The following DLG2 variants were observed in gnomAD, a reference collection of about 807,000 sequenced individuals.
DLG2 encodes the protein disks large homolog 2.
DLG2 carries 45 observed loss-of-function variants against 132.5 expected under a neutral mutation model. That is an observed-to-expected ratio of 0.34 (90% confidence interval 0.27 to 0.44). The LOEUF (loss-of-function observed/expected upper bound fraction) is 0.44, where lower values mean the gene tolerates loss of function less well. Ranked by LOEUF, DLG2 falls within the 20% of genes least tolerant of loss-of-function variation. The probability of loss-of-function intolerance (pLI) is 1.00; values close to 1 mark genes in which losing one functional copy is unlikely to be tolerated. For missense variants in DLG2, 1,045 were observed against 1,196.9 expected, an observed-to-expected ratio of 0.87 and a Z score of 1.87; for synonymous variants, 424 against 419.6, an observed-to-expected ratio of 1.01 and a Z score of -0.13.
At chr11:84,184,674 G>A (rs1015207398) in intron 8 of DLG2, among the ~76,000 whole-genome samples, 6 of 152,120 alleles carry the variant, frequency 3.9e-5, no homozygotes, top group Non-Finnish European at 5.9e-5. Context: ...GTATTGCCTA[G>A]GTTTTCTTCT....
intron 17 of DLG2, among the ~76,000 whole-genome samples, chr11:83,801,754 A>C (rs187087915): frequency 2.0e-5 from 3 of 152,160 alleles, no homozygotes; most frequent in African/African-American, 4.8e-5. Context: ...TATTCTGTTT[A>C]TTATCTCACC....
intron 6 of DLG2, among the ~76,000 whole-genome samples, chr11:85,037,933 T>G (rs2061552418): frequency 6.6e-6 from 1 of 152,130 alleles, no homozygotes; most frequent in South Asian, 2.1e-4. Context: ...ATAATCTGGT[T>G]AATGAGTCAA....
chr11:85,224,352 G>C lies in DLG2; in HGVS notation c.186+60868C>G, dbSNP rs115948455. Among the ~76,000 whole-genome samples the C allele has an allele frequency of 6.1e-3, 921 of 152,176 alleles. 11 individuals carry two copies. Among genetic ancestry groups the C allele is most frequent in the African/African-American group, 0.021 (890 of 41,520 alleles). ...GCACTTTAGACTTTTTCAGAGACAT[G>C]GAAACATATTTTGTTTAATACAAGT... On this transcript the variant is annotated intron_variant, in intron 4 of 27. Coordinates refer to ENST00000376104, the MANE Select transcript of DLG2 (RefSeq NM_001142699.3).
At chr11:83,489,964 A>G (rs1399076591) in intron 21 of DLG2, among the ~76,000 whole-genome samples, 1 of 148,152 alleles carries the variant, frequency 6.7e-6, no homozygotes, top group African/African-American at 2.5e-5. Context: ...TGAGATATAA[A>G]CTTAGGATTT....
chr11:85,106,046 T>C (rs2071695488), intron 6 of DLG2, among the ~76,000 whole-genome samples: 1 of 151,540 alleles, frequency 6.6e-6, no homozygotes, highest in African/African-American at 2.4e-5. Flanking sequence ...GCACACTGTA[T>C]TAACTGGTTT....
In DLG2 at chr11:85,292,208, G is replaced by A. The variant is rs540006997; in HGVS notation, c.41-6843C>T. Among the ~76,000 whole-genome samples the A allele has an allele frequency of 2.6e-4, 40 of 152,182 alleles. No individual in the cohort carries two copies. In the South Asian group the frequency reaches 7.2e-3, roughly 28 times the overall value. On this transcript the variant is annotated intron_variant, in intron 3 of 27. Transcript: ENST00000376104. ...GTTTTCATTCTCCCAATCCATATGA[G>A]TCCAAAACTACTAGACACTGAAGCA...
At chr11:85,010,949 A>T (rs1442948368) in intron 6 of DLG2, among the ~76,000 whole-genome samples, 1 of 152,184 alleles carries the variant, frequency 6.6e-6, no homozygotes, top group Non-Finnish European at 1.5e-5. Context: ...AGAATTATAA[A>T]AAGATTTTAC....
In DLG2 at chr11:85,566,806, C is replaced by G. The variant is rs145698019; in HGVS notation, c.40+31851G>C. On this transcript the variant is annotated intron_variant, in intron 3 of 27. Transcript: ENST00000376104. ...TTCTAAGAGTTTTACAGTTTTAGCTCTTATATTTAGGTCTCTAATCCCCTT... is the reference window on the plus strand; with the variant it reads ...TTCTAAGAGTTTTACAGTTTTAGCTGTTATATTTAGGTCTCTAATCCCCTT... Among the ~76,000 whole-genome samples, 5 of 152,180 alleles carry G rather than the reference C, an allele frequency of 3.3e-5. No individual in the cohort carries two copies. In the East Asian group the frequency reaches 9.7e-4, roughly 29 times the overall value.
intron 10 of DLG2, among the ~76,000 whole-genome samples, chr11:84,081,900 T>C (rs557758941): frequency 6.6e-6 from 1 of 152,342 alleles, no homozygotes; most frequent in Non-Finnish European, 1.5e-5. Flanking sequence ...CCACATTGTC[T>C]TCCACAATGG....
chr11:84,771,648 A>C (rs1461648324), intron 6 of DLG2, among the ~76,000 whole-genome samples: 1 of 152,238 alleles, frequency 6.6e-6, no homozygotes, highest in Non-Finnish European at 1.5e-5. Context: ...AGGGAGTTTT[A>C]TAAACAGAAA....
intron 6 of DLG2, among the ~76,000 whole-genome samples, chr11:84,881,048 G>C (rs779621378): frequency 6.6e-6 from 1 of 151,992 alleles, no homozygotes; most frequent in Non-Finnish European, 1.5e-5. Context: ...CAAAAAATAA[G>C]ACTGTAGCAT....
chr11:84,208,859 T>C (rs887905295), intron 8 of DLG2, among the ~76,000 whole-genome samples: 31 of 152,058 alleles, frequency 2.0e-4, no homozygotes, highest in African/African-American at 7.5e-4. Context: ...TGGTAGAAAG[T>C]GGGAGTCTAG....
At chr11:84,933,500 A>T (rs1350212618) in intron 6 of DLG2, among the ~76,000 whole-genome samples, 2 of 152,234 alleles carry the variant, frequency 1.3e-5, no homozygotes, top group Non-Finnish European at 2.9e-5. Context: ...ATCCATGAGC[A>T]TAGAATATTT....
intron 3 of DLG2, chr11:85,286,166 C>T (rs1393074568): frequency 2.3e-6 from 1 of 433,368 alleles, no homozygotes; most frequent in Admixed American, 2.8e-5. Flanking sequence ...GCATCATACT[C>T]TAGTTGGTAA....
intron 3 of DLG2, among the ~76,000 whole-genome samples, chr11:85,464,535 G>C (rs976745782): frequency 7.2e-5 from 11 of 152,002 alleles, no homozygotes; most frequent in African/African-American, 2.7e-4. Context: ...AGTTCGGGTG[G>C]CATCAGTCTG....
At chr11:83,757,249 T>G (rs1206869566) in intron 18 of DLG2, among the ~76,000 whole-genome samples, 1 of 152,222 alleles carries the variant, frequency 6.6e-6, no homozygotes, top group African/African-American at 2.4e-5. Flanking sequence ...TCAGTCTGAC[T>G]CCAGAGCTAG....
At chr11:83,721,993 G>C (rs954782211) in intron 18 of DLG2, among the ~76,000 whole-genome samples, 1 of 152,064 alleles carries the variant, frequency 6.6e-6, no homozygotes, top group Non-Finnish European at 1.5e-5. Context: ...AAAAATACTT[G>C]CTCTGTATCA....
At chr11:84,405,266 C>T (rs1004185041) in intron 7 of DLG2, among the ~76,000 whole-genome samples, 1 of 152,202 alleles carries the variant, frequency 6.6e-6, no homozygotes. Flanking sequence ...ATTCTTTCCA[C>T]AGCCAACCTT....
chr11:85,425,241 T>C (rs2090623479), intron 3 of DLG2, among the ~76,000 whole-genome samples: 1 of 152,104 alleles, frequency 6.6e-6, no homozygotes, highest in Non-Finnish European at 1.5e-5. Flanking sequence ...TCAATGCTTA[T>C]AAACAACACT....
Sources: gnomAD v4.1 joint callset for allele counts (sites outside exome capture counted in the v4.1 genomes callset) on GRCh38, gnomAD v4.1.1 for gene constraint, MANE v1.5 for transcripts, NCBI Gene and HGNC (gene_info 2026-07-23, HGNC 2026-07-21) for gene names.